The following ZNF730 variants were observed in gnomAD, a reference collection of about 807,000 sequenced individuals.
ZNF730 encodes putative zinc finger protein 730.
A neutral mutation model predicts 12.6 loss-of-function variants in ZNF730; 12 were observed. The observed-to-expected ratio is 0.95, with a 90% CI of 0.61 to 1.54. The LOEUF is 1.54. ZNF730 is among the 40% of genes most tolerant of loss of function. ZNF730 has a pLI of 0.00. For missense variants in ZNF730, 643 were observed against 583.5 expected, an observed-to-expected ratio of 1.10 and a Z score of -1.05; for synonymous variants, 194 against 195.8, an observed-to-expected ratio of 0.99 and a Z score of 0.08.
At chr19:23,134,431 A>T (rs1209030647) in intron 2 of ZNF730, among the ~76,000 whole-genome samples, 1 of 109,840 alleles carries the variant, frequency 9.1e-6, no homozygotes, top group Non-Finnish European at 1.8e-5. Flanking sequence ...TCCGGGAGGG[A>T]GGCGGAGGGG....
chr19:23,119,710 G>A (rs1042425266), intron 1 of ZNF730, among the ~76,000 whole-genome samples: 58 of 152,180 alleles, frequency 3.8e-4, no homozygotes, highest in African/African-American at 1.2e-3. Flanking sequence ...CCAGCTGCTC[G>A]GGAGGCTGAG....
At chr19:23,121,270 GTCTAAT>G (rs1970594833) in intron 1 of ZNF730, among the ~76,000 whole-genome samples, 4 of 152,130 alleles carry the variant, frequency 2.6e-5, no homozygotes, top group Admixed American at 2.6e-4. Context: ...TCAGTGATCT[GTCTAAT>G]AGTGTCCATG....
rs1383951518 is a variant in ZNF730, at chr19:23,085,826, A to AT, written c.-94+10448dup. ...ACCGCACCCAGACCTATTTCACCCA[A>AT]TTTTTTTTTCTTTTTTTTTTTTTTT... On this transcript the variant is annotated intron_variant, in intron 1 of 2. Transcript: ENST00000593635. 2.0e-3 allele frequency among the ~76,000 whole-genome samples: 147 copies of AT among 72,522 alleles called. 2 individuals are homozygous for AT. The highest frequency in any genetic ancestry group is 8.1e-3 in the African/African-American group (136 of 16,766). The allele number at this position is 72,522 out of a possible 152,430, so 47.6% of individuals were successfully genotyped here. A position where few individuals can be genotyped will look rare whatever the true frequency, so the allele number is the denominator to read the frequency against.
chr19:23,088,696 C>T (rs971218652), intron 1 of ZNF730, among the ~76,000 whole-genome samples: 7 of 151,958 alleles, frequency 4.6e-5, no homozygotes, highest in Admixed American at 4.6e-4. Flanking sequence ...AACTCCTGAC[C>T]TCAAGTGATC....
At chr19:23,112,046 C>G (rs1363098483), upstream of ZNF730, among the ~76,000 whole-genome samples, 7 of 150,560 alleles carry the variant, frequency 4.6e-5, no homozygotes, top group Non-Finnish European at 8.9e-5. Context: ...CAGTAAAACC[C>G]TTTATTATCT....
rs556282751 is a variant in ZNF730 at position 23,137,650 on chromosome 19, C to G, written c.226+1607C>G. ...TGAGAATGGGCACAATATAGTTTTGCTTTGTTCTCTGTGAATTTTAAGAAG... is the reference window on the plus strand; with the variant it reads ...TGAGAATGGGCACAATATAGTTTTGGTTTGTTCTCTGTGAATTTTAAGAAG... On this transcript the variant is annotated intron_variant, in intron 3 of 3. Coordinates refer to ENST00000597761, the MANE Select transcript of ZNF730 (RefSeq NM_001277403.2). Among the ~76,000 whole-genome samples the G allele has an allele frequency of 2.6e-5, 4 of 152,290 alleles. No homozygotes were observed. The East Asian group carries it at 7.7e-4, about 29-fold the overall frequency.
intron 1 of ZNF730, among the ~76,000 whole-genome samples, chr19:23,094,103 G>C (rs1970204539): frequency 6.6e-6 from 1 of 152,078 alleles, no homozygotes; most frequent in Non-Finnish European, 1.5e-5. Flanking sequence ...CTCCCATTTT[G>C]GTCTCCCAAG....
chr19:23,105,351 T>C (rs573328602), intron 1 of ZNF730, among the ~76,000 whole-genome samples: 189 of 152,174 alleles, frequency 1.2e-3, no homozygotes, highest in African/African-American at 4.4e-3. Flanking sequence ...CCTGACCTCA[T>C]GATCCACCCA....
intron 1 of ZNF730, among the ~76,000 whole-genome samples, chr19:23,092,055 GGCTGTTCTTTCCCAT>G (rs1453713204): frequency 6.6e-6 from 1 of 152,056 alleles, no homozygotes; most frequent in African/African-American, 2.4e-5. Context: ...GAATCATGAG[GGCTGTTCTTTCCCAT>G]GCTATTCTCG....
chr19:23,145,941 TA>T lies in ZNF730; in HGVS notation c.898del (p.Thr300LeufsTer61), dbSNP rs1401493186. ...AAGCCTTTAACCAGTCCTCAAACCT[TA>T]CTGAACATAAGAAAATTCATACTAA... ...GKAFNQSSNL[T>X]EHKKIHTKEQ... On this transcript the variant is annotated frameshift_variant, in exon 4 of 4. Coordinates refer to ENST00000597761, the MANE Select transcript of ZNF730 (RefSeq NM_001277403.2). LOFTEE classifies it low-confidence loss of function (END_TRUNC). 2 of 1,608,102 alleles carry T rather than the reference TA, an allele frequency of 1.2e-6. No homozygotes were observed. Among genetic ancestry groups the T allele is most frequent in the African/African-American group, 1.3e-5 (1 of 74,508 alleles).
chr19:23,097,136 G>T (rs1261768951), intron 1 of ZNF730, among the ~76,000 whole-genome samples: 1 of 152,064 alleles, frequency 6.6e-6, no homozygotes, highest in African/African-American at 2.4e-5. Flanking sequence ...TTCTTCTCCT[G>T]CCTAGTTTCT....
chr19:23,112,531 G>GAGTTTC (rs1970471732), upstream of ZNF730, among the ~76,000 whole-genome samples: 8 of 152,100 alleles, frequency 5.3e-5, no homozygotes, highest in Admixed American at 3.3e-4. Flanking sequence ...AGACCAGCCT[G>GAGTTTC]ACCAACATAG....
At chr19:23,115,201 C>T (rs1568309793), upstream of ZNF730, among the ~76,000 whole-genome samples, 1 of 151,670 alleles carries the variant, frequency 6.6e-6, no homozygotes, top group Non-Finnish European at 1.5e-5. Flanking sequence ...GGGTCTGTGG[C>T]AGTTACTCTA....
chr19:23,146,526 C>G lies in ZNF730; in HGVS notation c.1482C>G (p.His494Gln), dbSNP rs975758332. The G allele has an allele frequency of 5.1e-6, 8 of 1,582,806 alleles. No homozygotes were observed. The African/African-American group carries it at 1.1e-4, about 21-fold the overall frequency. Residue 494 changes from histidine (H) to glutamine (Q), a missense_variant, in exon 4 of 4, where the codon CAC (histidine) becomes CAG (glutamine). Coordinates refer to ENST00000597761, the MANE Select transcript of ZNF730 (RefSeq NM_001277403.2). ...ECGKAFRRFS[H>Q]LTRHKTIHT ...GTAAAGCCTTTAGGCGGTTCTCACA[C>G]CTTACTAGGCATAAGACAATTCATA...
Position 23,146,423 on chromosome 19 carries a change from CT to C in ZNF730, c.1383del (p.Phe461LeufsTer12), listed in dbSNP as rs746817606. The C allele has an allele frequency of 2.5e-6, 4 of 1,612,912 alleles. No homozygotes were observed. The African/African-American group carries it at 4.0e-5, about 16-fold the overall frequency. On this transcript the variant is annotated frameshift_variant, in exon 4 of 4. Coordinates refer to ENST00000597761, the MANE Select transcript of ZNF730 (RefSeq NM_001277403.2). LOFTEE classifies it low-confidence loss of function (END_TRUNC). Reference protein sequence around the residue: ...KPYECEECGKAFNRSSTLTTH... With the variant: ...KPYECEECGKXFNRSSTLTTH... ...TATGAATGTGAAGAATGTGGCAAAG[CT>C]TTTAACCGGTCCTCAACCCTCACTA...
At chr19:23,121,173 G>A (rs1259049281) in intron 1 of ZNF730, among the ~76,000 whole-genome samples, 6 of 152,120 alleles carry the variant, frequency 3.9e-5, no homozygotes, top group Non-Finnish European at 5.9e-5. Context: ...TGTATACTGT[G>A]TAGATTTCAG....
At chr19:23,134,270 A>C (rs1254625099) in intron 2 of ZNF730, 64 bp downstream of exon 2, 2 of 1,360,784 alleles carry the variant, frequency 1.5e-6, no homozygotes, top group South Asian at 1.5e-5. Context: ...TTTTGTAAAA[A>C]TTCTGTGCTT....
At chr19:23,091,896 A>G (rs981613481) in intron 1 of ZNF730, among the ~76,000 whole-genome samples, 2 of 152,158 alleles carry the variant, frequency 1.3e-5, no homozygotes, top group African/African-American at 4.8e-5. Flanking sequence ...TTGGGGAAGC[A>G]TGATTGGATT....
intron 2 of ZNF730, among the ~76,000 whole-genome samples, chr19:23,134,547 C>G (rs1970797672): frequency 7.4e-6 from 1 of 135,820 alleles, no homozygotes; most frequent in Non-Finnish European, 1.6e-5. Context: ...GCCGCCCCTA[C>G]TGGGAAGTGA....
Sources: allele counts gnomAD v4.1 joint callset (sites outside exome capture counted in the v4.1 genomes callset), GRCh38; gene constraint gnomAD v4.1.1; transcripts MANE v1.5; gene names NCBI Gene and HGNC (gene_info 2026-07-23, HGNC 2026-07-21).